The following MRPL34 variants were observed in gnomAD, a reference collection of about 807,000 sequenced individuals.
MRPL34 encodes the protein large ribosomal subunit protein bL34m.
MRPL34 carries 8 observed loss-of-function variants against 6.7 expected under a neutral mutation model. The ratio of observed to expected loss-of-function variants is 1.20; its 90% CI spans 0.70 to 2.16. The LOEUF (loss-of-function observed/expected upper bound fraction) is 2.16, where lower values mean the gene tolerates loss of function less well. Ranked by LOEUF, MRPL34 falls within the 30% of genes most tolerant of loss-of-function variation. The pLI is 0.00. For synonymous variants in MRPL34, 59 were observed against 55.1 expected (o/e 1.07, Z -0.31); for missense variants, 146 against 125.5 (o/e 1.16, Z -0.78).
chr19:17,306,289 G>T lies in MRPL34; in HGVS notation c.189G>T (p.Lys63Asn). 6.2e-7 allele frequency: 1 copy of T among 1,609,982 alleles called. No individual in the cohort carries two copies. The highest frequency in any genetic ancestry group is 1.1e-5 in the South Asian group (1 of 90,618). ...CGAGCAACATCAAACGCAAGAACAA[G>T]CACGGCTGGGTCCGGCGCCTGAGCA... ...YQPSNIKRKN[K>N]HGWVRRLSTP... The change falls in exon 2 of 2, where the codon AAG (lysine) becomes AAT (asparagine). Residue 63 changes from lysine to asparagine, a missense_variant. By Grantham distance (94) the Lys-to-Asn change is moderately conservative. Transcript: ENST00000252602.
chr19:17,304,971 G>C (rs993951065), upstream of MRPL34, among the ~76,000 whole-genome samples: 4 of 152,154 alleles, frequency 2.6e-5, no homozygotes, highest in Admixed American at 6.5e-5. Context: ...TGGCCCCAAG[G>C]GATCCTCCCT....
intron 1 of MRPL34, chr19:17,294,843 A>G: frequency 1.9e-6 from 3 of 1,613,620 alleles, no homozygotes; most frequent in Non-Finnish European, 2.5e-6. Context: ...GCAGAAAGAG[A>G]CACTGCCCGG....
At chr19:17,303,820 C>A (rs8103943), upstream of MRPL34, among the ~76,000 whole-genome samples, 1,310 of 152,278 alleles carry the variant, frequency 8.6e-3, 17 homozygotes, top group African/African-American at 0.03. Flanking sequence ...ACTCCAAGAT[C>A]TTTTTCCAAT....
intron 1 of MRPL34, chr19:17,292,873 G>A (rs772120634): frequency 6.3e-7 from 1 of 1,585,800 alleles, no homozygotes; most frequent in East Asian, 2.3e-5. Flanking sequence ...GGGCAAGAGG[G>A]TGGAGAGAGG....
At chr19:17,300,935 A>G (rs750203612), upstream of MRPL34, 2 of 1,613,288 alleles carry the variant, frequency 1.2e-6, no homozygotes, top group South Asian at 1.1e-5. Flanking sequence ...GCCAGCGCAT[A>G]GAAGGTGTAG....
chr19:17,305,770 C>G (rs920885303), upstream of MRPL34: 1 of 983,104 alleles, frequency 1.0e-6, no homozygotes, highest in East Asian at 2.4e-5. Flanking sequence ...CAGGGTTTTC[C>G]CCAACGGCCT....
At chr19:17,305,558 C>G (rs929338019), upstream of MRPL34, 1 of 300,882 alleles carries the variant, frequency 3.3e-6, no homozygotes, top group Non-Finnish European at 6.4e-6. Context: ...GCCCGGCCAC[C>G]GCGGGGCACC....
intron 1 of MRPL34, chr19:17,294,384 G>A (rs761770440): frequency 1.2e-6 from 2 of 1,613,982 alleles, no homozygotes; most frequent in Admixed American, 1.7e-5. Flanking sequence ...GGTAGACCTC[G>A]TCGCCCTCGG....
At chr19:17,293,992 A>T (rs984242543) in intron 1 of MRPL34, among the ~76,000 whole-genome samples, 7 of 152,116 alleles carry the variant, frequency 4.6e-5, no homozygotes, top group African/African-American at 1.7e-4. Context: ...TCTCATACAA[A>T]TCCTCCGCTG....
chr19:17,293,644 C>T (rs1054713990), intron 1 of MRPL34, among the ~76,000 whole-genome samples: 2 of 151,814 alleles, frequency 1.3e-5, no homozygotes, highest in South Asian at 2.1e-4. Flanking sequence ...GGGCAGAATC[C>T]TCCTTAGTTA....
At chr19:17,301,167 TCGC>T (rs1040080172), upstream of MRPL34, 3 of 1,609,408 alleles carry the variant, frequency 1.9e-6, no homozygotes, top group Non-Finnish European at 1.7e-6. Flanking sequence ...GGCGCCTGGC[TCGC>T]CGCCGCCGCC....
intron 1 of MRPL34, among the ~76,000 whole-genome samples, chr19:17,295,733 G>T (rs1029114287): frequency 3.3e-5 from 5 of 152,116 alleles, no homozygotes; most frequent in East Asian, 3.9e-4. Flanking sequence ...TTGAGACAAG[G>T]TTTCGCTGTC....
upstream of MRPL34, chr19:17,300,776 C>A: frequency 6.7e-7 from 1 of 1,495,650 alleles, no homozygotes. Context: ...CGGGGCTCAG[C>A]CAAAAACTCA....
upstream of MRPL34, chr19:17,300,748 G>A (rs578170349): frequency 9.4e-6 from 13 of 1,380,582 alleles, no homozygotes; most frequent in African/African-American, 1.9e-4. Context: ...AAAGTGCTGG[G>A]ATTACAGGCG....
intron 1 of MRPL34, among the ~76,000 whole-genome samples, chr19:17,293,228 T>C (rs1035418160): frequency 2.0e-5 from 3 of 151,674 alleles, no homozygotes; most frequent in Non-Finnish European, 2.9e-5. Flanking sequence ...CCCAAGTAGC[T>C]GGGATTACAG....
intron 1 of MRPL34, among the ~76,000 whole-genome samples, chr19:17,297,303 GT>G (rs901414762): frequency 6.6e-6 from 1 of 151,576 alleles, no homozygotes; most frequent in Non-Finnish European, 1.5e-5. Flanking sequence ...TTGTTTTTTT[GT>G]TTTTTTCTCG....
upstream of MRPL34, among the ~76,000 whole-genome samples, chr19:17,299,560 CAAAAAAAAAA>C (rs567760409): frequency 2.1e-4 from 11 of 51,506 alleles, no homozygotes; most frequent in Admixed American, 2.4e-3. Flanking sequence ...GACTCCATCT[CAAAAAAAAAA>C]AAAAAAAAAA....
rs2074145063 is a variant in MRPL34, at chr19:17,305,949, G to A, written c.57G>A (p.Leu19=). ...CCACGAGTAGGTCGGCAGCGTTGCTGGGTGGCAGGTAAGTCCTCAGGGGGA... is the reference window on the plus strand; with the variant it reads ...CCACGAGTAGGTCGGCAGCGTTGCTAGGTGGCAGGTAAGTCCTCAGGGGGA... ...LGPTSRSAAL[L]GGRWLQPRAW... Residue 19 remains leucine (L), a synonymous_variant, in exon 1 of 2, where the codon CTG becomes CTA. Coordinates refer to ENST00000252602, the MANE Select transcript of MRPL34 (RefSeq NM_023937.4). 1.9e-6 allele frequency: 3 copies of A among 1,614,136 alleles called. No homozygotes were observed. In the African/African-American group the frequency reaches 4.0e-5, roughly 22 times the overall value.
intron 1 of MRPL34, chr19:17,294,602 C>T: frequency 6.2e-7 from 1 of 1,606,654 alleles, no homozygotes; most frequent in African/African-American, 1.3e-5. Context: ...ACAGTCCCCC[C>T]TCCCATCCAA....
Sources: gnomAD v4.1 joint callset for allele counts (sites outside exome capture counted in the v4.1 genomes callset) on GRCh38, gnomAD v4.1.1 for gene constraint, MANE v1.5 for transcripts, NCBI Gene and HGNC (gene_info 2026-07-23, HGNC 2026-07-21) for gene names.